Variants in NAV2 observed in about 807,000 individuals in gnomAD.
NAV2 encodes the protein helicase, APC down-regulated 1.
NAV2 carries 54 observed loss-of-function variants against 223.2 expected under a neutral mutation model. The observed-to-expected ratio is 0.24, with a 90% CI of 0.19 to 0.30. The LOEUF (loss-of-function observed/expected upper bound fraction) is 0.30, where lower values mean the gene tolerates loss of function less well. Among genes scored for constraint, NAV2 ranks in the 10% least tolerant of loss-of-function variants. The pLI, the probability that NAV2 is intolerant of heterozygous loss-of-function variation, is 1.00. For synonymous variants in NAV2, 1,279 were observed against 1,239.3 expected (o/e 1.03, Z -0.67); for missense variants, 2,806 against 3,147.5 (o/e 0.89, Z 2.60).
chr11:19,419,679 C>T (rs1373626448), intron 1 of NAV2, among the ~76,000 whole-genome samples: 1 of 152,128 alleles, frequency 6.6e-6, no homozygotes, highest in Non-Finnish European at 1.5e-5. Flanking sequence ...ACCACTCACA[C>T]GCTTAGAAAC....
At chr11:19,632,876 A>AT (rs1438191152) in intron 1 of NAV2, among the ~76,000 whole-genome samples, 3 of 152,232 alleles carry the variant, frequency 2.0e-5, no homozygotes, top group African/African-American at 7.2e-5. Context: ...ACCCACATGC[A>AT]TTTTATCCAA....
intron 1 of NAV2, among the ~76,000 whole-genome samples, chr11:19,762,614 T>C (rs1056150402): frequency 4.2e-5 from 6 of 143,004 alleles, no homozygotes; most frequent in Non-Finnish European, 6.0e-5. Flanking sequence ...AAGTCTTCTT[T>C]TTTTTTTTTT....
chr11:19,414,060 C>T (rs1192060848), intron 1 of NAV2, among the ~76,000 whole-genome samples: 1 of 152,208 alleles, frequency 6.6e-6, no homozygotes, highest in Non-Finnish European at 1.5e-5. Context: ...ATCAAATTCA[C>T]ACATAACAAG....
At chr11:19,562,275 A>T (rs2045127028) in intron 1 of NAV2, among the ~76,000 whole-genome samples, 1 of 152,218 alleles carries the variant, frequency 6.6e-6, no homozygotes, top group Non-Finnish European at 1.5e-5. Flanking sequence ...GAGGTGGATC[A>T]TGACAGAATC....
intron 1 of NAV2, among the ~76,000 whole-genome samples, chr11:19,655,684 T>C (rs2048102413): frequency 7.2e-6 from 1 of 138,056 alleles, no homozygotes; most frequent in Non-Finnish European, 1.5e-5. Context: ...TAGGTGGGAA[T>C]TGAACAATGA....
chr11:20,097,037 C>T (rs553883522), intron 30 of NAV2, among the ~76,000 whole-genome samples: 1 of 152,376 alleles, frequency 6.6e-6, no homozygotes, highest in Admixed American at 6.5e-5. Context: ...TCTACATTTA[C>T]TAACCTAAAA....
At chr11:19,524,915 C>T (rs1045074892) in intron 1 of NAV2, among the ~76,000 whole-genome samples, 2 of 152,140 alleles carry the variant, frequency 1.3e-5, no homozygotes, top group South Asian at 4.2e-4. Context: ...TTTAGAGTGG[C>T]ATATAAGATC....
At chr11:19,843,758 T>TAAAAAA (rs34850023) in intron 3 of NAV2, among the ~76,000 whole-genome samples, 1 of 135,290 alleles carries the variant, frequency 7.4e-6, no homozygotes, top group Admixed American at 7.3e-5. Context: ...TCCAGAAATC[T>TAAAAAA]AAAAAAAAAA....
chr11:20,036,914 A>G (rs1347767697), intron 12 of NAV2, among the ~76,000 whole-genome samples: 3 of 152,106 alleles, frequency 2.0e-5, no homozygotes, highest in African/African-American at 7.2e-5. Flanking sequence ...TTCAGATTTC[A>G]TGTTTCAAAT....
At chr11:19,765,360 CCT>C (rs2055117037) in intron 1 of NAV2, among the ~76,000 whole-genome samples, 1 of 151,104 alleles carries the variant, frequency 6.6e-6, no homozygotes, top group African/African-American at 2.4e-5. Context: ...CTCATCCTGT[CCT>C]CCTCATCTTC....
At chr11:19,926,669 T>G (rs1050348770) in intron 6 of NAV2, among the ~76,000 whole-genome samples, 3 of 152,020 alleles carry the variant, frequency 2.0e-5, no homozygotes, top group Admixed American at 6.5e-5. Flanking sequence ...AAAAACTAGT[T>G]TCAATTATAC....
At chr11:19,613,512 G>A (rs2046701641) in intron 1 of NAV2, among the ~76,000 whole-genome samples, 1 of 152,172 alleles carries the variant, frequency 6.6e-6, no homozygotes, top group African/African-American at 2.4e-5. Flanking sequence ...TGAGGAAGCA[G>A]CCATCTCATG....
intron 1 of NAV2, among the ~76,000 whole-genome samples, chr11:19,686,486 T>C (rs777962690): frequency 3.3e-5 from 5 of 152,204 alleles, no homozygotes; most frequent in Non-Finnish European, 7.3e-5. Flanking sequence ...CTCCAGGTCA[T>C]AGGGGTTGCC....
intron 1 of NAV2, among the ~76,000 whole-genome samples, chr11:19,600,665 T>C (rs1380203748): frequency 6.6e-6 from 1 of 152,206 alleles, no homozygotes; most frequent in Non-Finnish European, 1.5e-5. Context: ...AGCCTCAATT[T>C]CTATAGCTGC....
At chr11:19,751,604 GCTCCTTTACTT>G (rs1345370635) in intron 1 of NAV2, among the ~76,000 whole-genome samples, 1 of 152,072 alleles carries the variant, frequency 6.6e-6, no homozygotes, top group East Asian at 1.9e-4. Context: ...ACACGAGCTT[GCTCCTTTACTT>G]CTTTAGTATG....
intron 1 of NAV2, among the ~76,000 whole-genome samples, chr11:19,432,309 T>A (rs1300270834): frequency 2.0e-5 from 3 of 152,138 alleles, no homozygotes; most frequent in Admixed American, 2.0e-4. Context: ...GGCCCACCCC[T>A]GTCATCATTG....
chr11:19,441,087 C>G (rs960315314), intron 1 of NAV2, among the ~76,000 whole-genome samples: 2 of 152,056 alleles, frequency 1.3e-5, no homozygotes, highest in East Asian at 1.9e-4. Context: ...GCCCAGGAAG[C>G]CTTTATTGAG....
rs2053579881 is a variant in NAV2 at position 19,748,840 on chromosome 11, C to G, written c.267+34878C>G. 5.3e-5 allele frequency among the ~76,000 whole-genome samples: 8 copies of G among 152,170 alleles called. No homozygotes were observed. In the South Asian group the frequency reaches 1.7e-3, roughly 32 times the overall value. On this transcript the variant is annotated intron_variant, in intron 1 of 37. Coordinates refer to ENST00000349880, the MANE Select transcript of NAV2 (RefSeq NM_145117.5). Reference sequence around the variant, plus strand: ...TGAGCATATCCCTCAGCCAGGTTTCCAAAACAGATGATGCTGCTGAAAGGT... The same window carrying G: ...TGAGCATATCCCTCAGCCAGGTTTCGAAAACAGATGATGCTGCTGAAAGGT...
intron 26 of NAV2, among the ~76,000 whole-genome samples, chr11:20,090,121 A>G (rs1239128163): frequency 6.6e-6 from 1 of 152,242 alleles, no homozygotes; most frequent in Non-Finnish European, 1.5e-5. Flanking sequence ...GAATGTGATC[A>G]GGAACAGATT....
Sources: gnomAD v4.1 joint callset for allele counts (sites outside exome capture counted in the v4.1 genomes callset) on GRCh38, gnomAD v4.1.1 for gene constraint, MANE v1.5 for transcripts, NCBI Gene and HGNC (gene_info 2026-07-23, HGNC 2026-07-21) for gene names.